Variants in DNAH6 observed in about 807,000 individuals in gnomAD.
DNAH6 encodes axonemal beta dynein heavy chain 6.
A neutral mutation model predicts 491.4 loss-of-function variants in DNAH6; 340 were observed. That is an observed-to-expected ratio of 0.69 (90% confidence interval 0.63 to 0.76). The LOEUF (loss-of-function observed/expected upper bound fraction) is 0.76, where lower values mean the gene tolerates loss of function less well. Among genes scored for constraint, DNAH6 ranks in the 30% least tolerant of loss-of-function variants. The probability of loss-of-function intolerance (pLI) is 0.00; values close to 1 mark genes in which losing one functional copy is unlikely to be tolerated. For missense variants in DNAH6, 4,443 were observed against 4,972.2 expected (o/e 0.89, Z 3.20); for synonymous variants, 1,603 against 1,686.1 (o/e 0.95, Z 1.21).
rs1259882782 is a variant in DNAH6 at position 84,549,855 on chromosome 2, A to C, written c.1317-34A>C. The C allele has an allele frequency of 1.9e-6, 3 of 1,541,878 alleles. No homozygotes were observed. In the Admixed American group the frequency reaches 5.7e-5, roughly 29 times the overall value. On this transcript the variant is annotated intron_variant, in intron 8 of 76. Transcript: ENST00000389394. ...TCAAAAATATGTAGTGAATATAAGA[A>C]ACCGAAATTGTATTAGTTTTTTTTC...
intron 47 of DNAH6, among the ~76,000 whole-genome samples, chr2:84,698,400 C>G (rs933993629): frequency 6.6e-6 from 1 of 152,078 alleles, no homozygotes; most frequent in Non-Finnish European, 1.5e-5. Flanking sequence ...TTGGAAGGGC[C>G]AAAGAAAGAA....
intron 62 of DNAH6, among the ~76,000 whole-genome samples, chr2:84,735,574 T>C (rs1479021347): frequency 1.3e-5 from 2 of 152,220 alleles, no homozygotes; most frequent in African/African-American, 2.4e-5. Flanking sequence ...GACTTTTTAA[T>C]AATAGCCTTT....
intron 33 of DNAH6, 82 bp downstream of exon 33, chr2:84,642,136 C>G (rs1300878852): frequency 2.1e-6 from 2 of 951,764 alleles, no homozygotes; most frequent in Admixed American, 2.7e-5. Context: ...ATTTCTTTCT[C>G]TAACAAGCTG....
At position 84,707,543 on chromosome 2, in the gene DNAH6, G is replaced by A. The variant is rs771499063; in HGVS notation, c.8875G>A (p.Ala2959Thr). The A allele has an allele frequency of 1.3e-6, 2 of 1,551,348 alleles. No homozygotes were observed. Among genetic ancestry groups the A allele is most frequent in the Admixed American group, 2.0e-5 (1 of 50,974 alleles). Residue 2959 changes from alanine to threonine, a missense_variant, in exon 54 of 77, where the codon GCA (alanine) becomes ACA (threonine). Transcript: ENST00000389394. ...SLAKTMALTKARLVRAGKLTA... is the reference protein window; with the variant it reads ...SLAKTMALTKTRLVRAGKLTA... The stretch of plus-strand genomic sequence containing the variant: ...AGCAAAGACCATGGCCCTGACAAAA[G>A]CACGTCTAGTACGTGCTGGAAAGCT...
At chr2:84,498,006 C>G in the DNAH6 span, among the ~76,000 whole-genome samples, 1 of 152,226 alleles carries the variant, frequency 6.6e-6, no homozygotes, top group Non-Finnish European at 1.5e-5. Flanking sequence ...ACCATGAGCT[C>G]TGGGCCATGT....
At chr2:84,527,825 A>G (rs954779792) in intron 3 of DNAH6, among the ~76,000 whole-genome samples, 2 of 152,216 alleles carry the variant, frequency 1.3e-5, no homozygotes, top group Non-Finnish European at 2.9e-5. Context: ...AAGTTGTTCC[A>G]CAGAGCTTGT....
rs1172300689 is a variant in DNAH6 at position 84,672,424 on chromosome 2, G to T, written c.6552G>T (p.Arg2184=). ...CTCAGCCTCCGATTGAATTACTTCGGCAGTATCAAGATTTTGGGGGATTTT... is the reference window on the plus strand; with the variant it reads ...CTCAGCCTCCGATTGAATTACTTCGTCAGTATCAAGATTTTGGGGGATTTT... ...YGSQPPIELL[R]QYQDFGGFYD... The change falls in exon 40 of 77, where the codon CGG becomes CGT. Residue 2184 remains arginine, a synonymous_variant. Transcript: ENST00000389394. The T allele has an allele frequency of 2.6e-6, 4 of 1,551,586 alleles. No homozygotes were observed. Among genetic ancestry groups the T allele is most frequent in the Non-Finnish European group, 3.5e-6 (4 of 1,146,894 alleles).
intron 11 of DNAH6, among the ~76,000 whole-genome samples, chr2:84,568,548 C>T (rs1203429365): frequency 1.3e-5 from 2 of 152,102 alleles, no homozygotes; most frequent in Admixed American, 6.6e-5. Context: ...GAACAACACA[C>T]ACTGGGACCC....
intron 67 of DNAH6, among the ~76,000 whole-genome samples, chr2:84,786,016 A>G (rs1297814878): frequency 6.6e-6 from 1 of 152,214 alleles, no homozygotes; most frequent in Non-Finnish European, 1.5e-5. Flanking sequence ...CAGTTCAACA[A>G]GCACAAAATA....
At chr2:84,616,152 T>C (rs1393445211) in intron 22 of DNAH6, among the ~76,000 whole-genome samples, 3 of 152,120 alleles carry the variant, frequency 2.0e-5, no homozygotes, top group Non-Finnish European at 4.4e-5. Flanking sequence ...ATAGAATGTA[T>C]ATTCTTCATT....
intron 23 of DNAH6, among the ~76,000 whole-genome samples, chr2:84,619,195 A>T (rs1687161226): frequency 6.6e-6 from 1 of 152,182 alleles, no homozygotes; most frequent in South Asian, 2.1e-4. Context: ...GGAATAGCAA[A>T]TGCCTTTGGG....
chr2:84,775,485 C>T (rs2105195999), intron 64 of DNAH6, among the ~76,000 whole-genome samples: 1 of 152,190 alleles, frequency 6.6e-6, no homozygotes, highest in South Asian at 2.1e-4. Context: ...TTTGTTGTGT[C>T]TGTGCCAGAT....
At position 84,727,726 on chromosome 2, in the gene DNAH6, G is replaced by A; in HGVS notation, c.10030G>A (p.Asp3344Asn). ...VKTENLQQRL[D>N]VLLEQTLLTA... ...GACAGAAAATCTACAACAGCGCCTGGACGTACTACTAGAACAAACTCTCCT... is the reference window on the plus strand; with the variant it reads ...GACAGAAAATCTACAACAGCGCCTGAACGTACTACTAGAACAAACTCTCCT... The change falls in exon 61 of 77, where the codon GAC becomes AAC. Residue 3344 changes from aspartate (D) to asparagine (N), a missense_variant. Physicochemically the swap from Asp to Asn is conservative, Grantham distance 23. This residue lies in a region of DNAH6 where 1,463 missense variants were observed against 1,656.6 expected (regional missense o/e 0.88). Coordinates refer to ENST00000389394, the MANE Select transcript of DNAH6 (RefSeq NM_001370.2). The A allele has an allele frequency of 6.4e-7, 1 of 1,551,610 alleles. No homozygotes were observed. The highest frequency in any genetic ancestry group is 8.7e-7 in the Non-Finnish European group (1 of 1,146,918).
chr2:84,542,835 G>A (rs1678390380), intron 4 of DNAH6, among the ~76,000 whole-genome samples: 1 of 152,082 alleles, frequency 6.6e-6, no homozygotes, highest in Non-Finnish European at 1.5e-5. Context: ...AACATTTTCA[G>A]GGATTTCATG....
intron 29 of DNAH6, among the ~76,000 whole-genome samples, chr2:84,628,186 G>C (rs554767422): frequency 6.6e-6 from 1 of 152,308 alleles, no homozygotes; most frequent in South Asian, 2.1e-4. Flanking sequence ...ATGGATGGCT[G>C]TTGAGAGCTA....
chr2:84,538,201 T>C (rs1050266601), intron 4 of DNAH6, among the ~76,000 whole-genome samples: 1 of 152,110 alleles, frequency 6.6e-6, no homozygotes, highest in African/African-American at 2.4e-5. Flanking sequence ...TGCATTTGTG[T>C]CACACACACT....
rs772006015 is a variant in DNAH6, at chr2:84,577,309, C to T, written c.1977C>T (p.Asp659=). The T allele has an allele frequency of 1.5e-5, 24 of 1,606,806 alleles. No individual in the cohort carries two copies. In the East Asian group the frequency reaches 1.6e-4, roughly 10 times the overall value. Residue 659 remains aspartate, a synonymous_variant, in exon 13 of 77, where the codon GAC becomes GAT. Coordinates refer to ENST00000389394, the MANE Select transcript of DNAH6 (RefSeq NM_001370.2). ...QLEKYHKQHK[D]AVALRPTRNV... is the part of the protein sequence containing the mutation. ...AAAAATATCACAAACAGCACAAGGA[C>T]GCAGTAGCGCTCAGACCCACCAGAA...
At chr2:84,696,863 C>T (rs1192314929) in intron 46 of DNAH6, among the ~76,000 whole-genome samples, 1 of 152,010 alleles carries the variant, frequency 6.6e-6, no homozygotes, top group Admixed American at 6.5e-5. Context: ...CTCCAAGATG[C>T]AGGTGGTTGC....
intron 4 of DNAH6, among the ~76,000 whole-genome samples, chr2:84,540,382 C>T (rs1678130208): frequency 6.6e-6 from 1 of 152,096 alleles, no homozygotes; most frequent in African/African-American, 2.4e-5. Flanking sequence ...TTGAGCACAA[C>T]AGTCACATGA....
Sources: allele counts gnomAD v4.1 joint callset (sites outside exome capture counted in the v4.1 genomes callset), GRCh38; gene constraint gnomAD v4.1.1; regional missense constraint gnomAD v4.1.1; transcripts MANE v1.5; gene names NCBI Gene and HGNC (gene_info 2026-07-23, HGNC 2026-07-21).